The following NFYC variants were observed in gnomAD, a reference collection of about 807,000 sequenced individuals.
NFYC encodes the protein CAAT box DNA-binding protein subunit C.
Under a neutral mutation model 53.1 loss-of-function variants are expected in NFYC, and 25 were observed. The observed-to-expected ratio is 0.47, with a 90% CI of 0.34 to 0.66. The LOEUF (loss-of-function observed/expected upper bound fraction) is 0.66. Among genes scored for constraint, NFYC ranks in the 30% least tolerant of loss-of-function variants. The probability of loss-of-function intolerance (pLI) is 0.01; values close to 1 mark genes in which losing one functional copy is unlikely to be tolerated. For synonymous variants in NFYC, 145 were observed against 152.6 expected, an observed-to-expected ratio of 0.95 and a Z score of 0.37; for missense variants, 260 against 422.7, an observed-to-expected ratio of 0.62 and a Z score of 3.38.
intron 1 of NFYC, among the ~76,000 whole-genome samples, chr1:40,715,436 G>A (rs1644099411): frequency 1.3e-5 from 2 of 150,754 alleles, no homozygotes; most frequent in Admixed American, 1.3e-4. Flanking sequence ...TAGAAATGGA[G>A]TCTCATTATT....
chr1:40,742,839 C>G (rs2148636468), intron 2 of NFYC, among the ~76,000 whole-genome samples: 1 of 152,262 alleles, frequency 6.6e-6, no homozygotes, highest in East Asian at 1.9e-4. Context: ...CTCAGGAGTG[C>G]AACACGTGAT....
At chr1:40,741,417 A>T (rs1645334917) in intron 2 of NFYC, among the ~76,000 whole-genome samples, 1 of 152,168 alleles carries the variant, frequency 6.6e-6, no homozygotes, top group African/African-American at 2.4e-5. Context: ...ATGATGTTTG[A>T]TAGGCTAGGT....
At chr1:40,698,536 C>T in intron 1 of NFYC, among the ~76,000 whole-genome samples, 1 of 151,432 alleles carries the variant, frequency 6.6e-6, no homozygotes. Flanking sequence ...AGACGATTCT[C>T]CTGCCTCAGC....
intron 1 of NFYC, chr1:40,723,288 G>A (rs1644391504): frequency 6.6e-6 from 1 of 152,172 alleles, no homozygotes; most frequent in Admixed American, 6.5e-5. Flanking sequence ...AGAAAATGAT[G>A]CTTTGTTTTA....
intron 1 of NFYC, chr1:40,723,310 A>C (rs932695874): frequency 9.9e-5 from 15 of 152,246 alleles, no homozygotes; most frequent in Admixed American, 8.5e-4. Context: ...AATACAACTT[A>C]ACTTAGGCTA....
chr1:40,712,144 GA>G (rs937232722), intron 1 of NFYC, among the ~76,000 whole-genome samples: 10 of 151,922 alleles, frequency 6.6e-5, no homozygotes, highest in African/African-American at 2.4e-4. Flanking sequence ...TGGCATCAAA[GA>G]AAAAAATGCC....
chr1:40,708,558 T>G (rs540434032), intron 1 of NFYC, among the ~76,000 whole-genome samples: 3 of 152,184 alleles, frequency 2.0e-5, no homozygotes, highest in Non-Finnish European at 4.4e-5. Context: ...TGGTTGACTT[T>G]CTAGAAATGC....
chr1:40,742,536 A>G (rs186170813), intron 2 of NFYC, among the ~76,000 whole-genome samples: 37 of 152,340 alleles, frequency 2.4e-4, no homozygotes, highest in African/African-American at 8.7e-4. Flanking sequence ...GGTGAAGAGA[A>G]AGAAAAGTAA....
intron 1 of NFYC, among the ~76,000 whole-genome samples, chr1:40,731,334 C>T (rs1644760368): frequency 1.3e-5 from 2 of 152,102 alleles, no homozygotes; most frequent in South Asian, 4.2e-4. Flanking sequence ...GCCACCATGC[C>T]TGGCTAATTT....
intron 3 of NFYC, among the ~76,000 whole-genome samples, chr1:40,748,485 A>G (rs745782145): frequency 3.9e-4 from 59 of 152,178 alleles, no homozygotes; most frequent in Non-Finnish European, 6.9e-4. Flanking sequence ...GTATCATCAA[A>G]TCAACAGGAC....
At chr1:40,737,500 T>G (rs1645100157) in intron 1 of NFYC, among the ~76,000 whole-genome samples, 1 of 151,842 alleles carries the variant, frequency 6.6e-6, no homozygotes, top group African/African-American at 2.4e-5. Flanking sequence ...GGCTAATTTT[T>G]GTATTTTTAG....
Position 40,736,630 on chromosome 1 carries a change from G to C in NFYC, c.-8-2206G>C, listed in dbSNP as rs57770417. Among the ~76,000 whole-genome samples, 1,128 of 151,218 alleles carry C rather than the reference G, an allele frequency of 7.5e-3. 19 individuals carry two copies. Among genetic ancestry groups the C allele is most frequent in the African/African-American group, 0.026 (1,065 of 40,610 alleles). ...TCCATTCTTTGTGTTTAATTAAACT[G>C]TTCTTGCATTTTAATATTTGCCAGA... On this transcript the variant is annotated intron_variant, in intron 1 of 9. Transcript: ENST00000447388.
At chr1:40,711,480 T>C (rs1355879415) in intron 1 of NFYC, among the ~76,000 whole-genome samples, 1 of 152,130 alleles carries the variant, frequency 6.6e-6, no homozygotes, top group East Asian at 1.9e-4. Flanking sequence ...AAAGTGAAGG[T>C]GTGGTACAGT....
At chr1:40,693,771 A>G (rs1160055353) in intron 1 of NFYC, among the ~76,000 whole-genome samples, 2 of 152,334 alleles carry the variant, frequency 1.3e-5, no homozygotes, top group African/African-American at 4.8e-5. Context: ...AACCTGACTA[A>G]TGAAACTTCC....
chr1:40,736,040 T>A (rs1361359333), intron 1 of NFYC, among the ~76,000 whole-genome samples: 2 of 152,212 alleles, frequency 1.3e-5, no homozygotes, highest in African/African-American at 4.8e-5. Flanking sequence ...ATCTAGTCAT[T>A]TTCAACTGTG....
At chr1:40,709,877 T>C (rs898078772) in intron 1 of NFYC, among the ~76,000 whole-genome samples, 7 of 152,254 alleles carry the variant, frequency 4.6e-5, no homozygotes, top group African/African-American at 9.6e-5. Flanking sequence ...CTTTTCTCTT[T>C]GCATTGGGTA....
chr1:40,761,806 AG>A (rs1422461712), intron 6 of NFYC, among the ~76,000 whole-genome samples: 1 of 152,190 alleles, frequency 6.6e-6, no homozygotes, highest in Non-Finnish European at 1.5e-5. Flanking sequence ...ATTCATTGAG[AG>A]TTCCATAGTC....
In NFYC at chr1:40,770,611, T is replaced by A. The variant is rs747828604; in HGVS notation, c.889-98T>A. 6.2e-7 allele frequency: 1 copy of A among 1,613,922 alleles called. No individual in the cohort carries two copies. The highest frequency in any genetic ancestry group is 1.1e-5 in the South Asian group (1 of 91,058). On this transcript the variant is annotated intron_variant, in intron 9 of 9. Transcript: ENST00000447388. The surrounding 1 kb of genome is among the most constrained non-coding windows in gnomAD (Gnocchi z 5.3). Reference sequence around the variant, plus strand: ...TCTGACGCCTTGCAGTGGGTGGTGGTTGAGGTATCTGGGACCCCCAACCAG... The same window carrying A: ...TCTGACGCCTTGCAGTGGGTGGTGGATGAGGTATCTGGGACCCCCAACCAG...
chr1:40,750,363 T>A (rs1490718750), intron 4 of NFYC, among the ~76,000 whole-genome samples: 1 of 152,230 alleles, frequency 6.6e-6, no homozygotes, highest in African/African-American at 2.4e-5. Flanking sequence ...TTATTTTCTC[T>A]TCTTGTTTCC....
Sources: gnomAD v4.1 joint callset for allele counts (sites outside exome capture counted in the v4.1 genomes callset) on GRCh38, gnomAD v4.1.1 for gene constraint, Gnocchi (gnomAD v3.1) non-coding constraint, MANE v1.5 for transcripts, NCBI Gene and HGNC (gene_info 2026-07-23, HGNC 2026-07-21) for gene names.